Variants in NEURL1B observed in about 807,000 individuals in gnomAD.
The protein encoded by NEURL1B is neuralized E3 ubiquitin protein ligase 1B.
NEURL1B carries 13 observed loss-of-function variants against 37.4 expected under a neutral mutation model. The observed-to-expected ratio is 0.35, with a 90% CI of 0.23 to 0.55. The LOEUF (loss-of-function observed/expected upper bound fraction) is 0.55. NEURL1B is among the 20% of genes least tolerant of loss of function. The probability of loss-of-function intolerance (pLI) is 0.89; values close to 1 mark genes in which losing one functional copy is unlikely to be tolerated. For synonymous variants in NEURL1B, 432 were observed against 426.6 expected, an observed-to-expected ratio of 1.01 and a Z score of -0.16; for missense variants, 790 against 879.2, an observed-to-expected ratio of 0.90 and a Z score of 1.28.
intron 1 of NEURL1B, among the ~76,000 whole-genome samples, chr5:172,646,337 G>T (rs538873346): frequency 6.6e-6 from 1 of 152,334 alleles, no homozygotes; most frequent in East Asian, 1.9e-4. Context: ...TTCAACAAAT[G>T]CCCAGGATGG....
At chr5:172,651,813 A>G (rs1330715453) in intron 1 of NEURL1B, among the ~76,000 whole-genome samples, 1 of 152,236 alleles carries the variant, frequency 6.6e-6, no homozygotes, top group South Asian at 2.1e-4. Flanking sequence ...TTGATCTGGT[A>G]TTCCCCATGG....
chr5:172,651,051 C>T (rs1024654089), intron 1 of NEURL1B, among the ~76,000 whole-genome samples: 14 of 151,960 alleles, frequency 9.2e-5, no homozygotes, highest in African/African-American at 2.9e-4. Context: ...AGTAGATAAT[C>T]GAAAAAGGTT....
chr5:172,670,949 T>G (rs1019822911), intron 2 of NEURL1B, among the ~76,000 whole-genome samples: 2 of 152,190 alleles, frequency 1.3e-5, no homozygotes, highest in Non-Finnish European at 2.9e-5. Flanking sequence ...TGAGCCCGAT[T>G]CTCACGGAGG....
Position 172,670,338 on chromosome 5 carries a change from G to A in NEURL1B, c.577+8G>A. On this transcript the variant is annotated splice_region_variant and intron_variant, in intron 2 of 4. Transcript: ENST00000369800. Reference sequence around the variant, plus strand: ...ACGAGGTGCAGCTTCTGGGTAGGTCGCGGGCGCGGCGCCCCCTGGGGACCT... The same window carrying A: ...ACGAGGTGCAGCTTCTGGGTAGGTCACGGGCGCGGCGCCCCCTGGGGACCT... 1 of 1,348,388 alleles carries A rather than the reference G, an allele frequency of 7.4e-7. No homozygotes were observed. The highest frequency in any genetic ancestry group is 9.5e-7 in the Non-Finnish European group (1 of 1,053,606). The allele number at this position is 1,348,388 out of a possible 1,614,324, so 83.5% of individuals were successfully genotyped here.
At position 172,689,188 on chromosome 5, in the gene NEURL1B, G is replaced by A. The variant is rs1396966108; in HGVS notation, c.*2263G>A. Reference sequence around the variant, plus strand: ...TGTTTCCAAGAGGAGGTAAGGAAGTGTTTATCTTCTAAAAACCAGACGTTT... The same window carrying A: ...TGTTTCCAAGAGGAGGTAAGGAAGTATTTATCTTCTAAAAACCAGACGTTT... On this transcript the variant is annotated 3_prime_UTR_variant, in exon 5 of 5. Coordinates refer to ENST00000369800, the MANE Select transcript of NEURL1B (RefSeq NM_001142651.3). 1.3e-5 allele frequency: 2 copies of A among 152,212 alleles called. No homozygotes were observed. The highest frequency in any genetic ancestry group is 4.8e-5 in the African/African-American group (2 of 41,452). 9.4% of individuals were successfully genotyped at this position (152,212 alleles called of 1,614,324 possible). A position where few individuals can be genotyped will look rare whatever the true frequency, so the allele number is the denominator to read the frequency against.
intron 3 of NEURL1B, 112 bp downstream of exon 3, chr5:172,684,250 C>A: frequency 2.1e-6 from 2 of 958,966 alleles, no homozygotes; most frequent in Non-Finnish European, 2.7e-6. Context: ...CTGCACCGCC[C>A]GAGGCCAGCC....
At position 172,665,295 on chromosome 5, in the gene NEURL1B, G is replaced by A. The variant is rs1374878072; in HGVS notation, c.32-4490G>A. ...TGAGTGTCGTGCACAAGGCCACCGT[G>A]AGCGTGGACAGCACAGGCTTCTGCT... is the stretch of plus-strand genomic sequence containing the variant. On this transcript the variant is annotated intron_variant, in intron 1 of 4. Transcript: ENST00000369800. This position sits in a 1 kb window ranked among gnomAD's most constrained non-coding sequence, Gnocchi z 4.1. 6.6e-6 allele frequency among the ~76,000 whole-genome samples: 1 copy of A among 152,230 alleles called. No individual in the cohort carries two copies. Among genetic ancestry groups the A allele is most frequent in the African/African-American group, 2.4e-5 (1 of 41,454 alleles).
At chr5:172,652,061 T>C (rs1334138702) in intron 1 of NEURL1B, among the ~76,000 whole-genome samples, 1 of 152,208 alleles carries the variant, frequency 6.6e-6, no homozygotes, top group Non-Finnish European at 1.5e-5. Flanking sequence ...ATTGGTAAGC[T>C]CTTGAAAGTT....
At chr5:172,658,773 C>T (rs1054434644) in intron 1 of NEURL1B, among the ~76,000 whole-genome samples, 4 of 152,092 alleles carry the variant, frequency 2.6e-5, no homozygotes, top group African/African-American at 4.8e-5. Flanking sequence ...CCTCCATCAC[C>T]GTCAGGAGGT....
chr5:172,658,240 C>T (rs867204646), intron 1 of NEURL1B, among the ~76,000 whole-genome samples: 6 of 152,152 alleles, frequency 3.9e-5, no homozygotes, highest in Admixed American at 2.0e-4. Context: ...CTCTCGTCTC[C>T]GCACACAGGG....
chr5:172,686,851 A>AAGCGACAGGCCCGGGCCTGCTGCCCC lies in NEURL1B; in HGVS notation c.1596_1621dup (p.Ile541SerfsTer40). The AAGCGACAGGCCCGGGCCTGCTGCCCC allele has an allele frequency of 6.4e-7, 1 of 1,550,960 alleles. No homozygotes were observed. Among genetic ancestry groups the AAGCGACAGGCCCGGGCCTGCTGCCCC allele is most frequent in the Non-Finnish European group, 8.7e-7 (1 of 1,146,932 alleles). On this transcript the variant is annotated frameshift_variant, in exon 5 of 5. Coordinates refer to ENST00000369800, the MANE Select transcript of NEURL1B (RefSeq NM_001142651.3). LOFTEE classifies it high-confidence loss of function. The surrounding 1 kb of genome is among the most constrained non-coding windows in gnomAD (Gnocchi z 7.9). The stretch of plus-strand genomic sequence containing the variant: ...GTGCCACAGCTGCGGCCTGCGGCTC[A>AAGCGACAGGCCCGGGCCTGCTGCCCC]AGCGACAGGCCCGGGCCTGCTGCCC...
Position 172,641,494 on chromosome 5 carries a change from C to T in NEURL1B, c.31+57C>T. 1 of 1,242,232 alleles carries T rather than the reference C, an allele frequency of 8.1e-7. No homozygotes were observed. Among genetic ancestry groups the T allele is most frequent in the Non-Finnish European group, 1.0e-6 (1 of 989,434 alleles). The allele number at this position is 1,242,232 out of a possible 1,614,324, so 77.0% of individuals were successfully genotyped here. ...CGCCGGGCTTCTCTCCTCCGGGGGA[C>T]CCGCTGGGTGACTCTGGAGAGCTAC... is the stretch of plus-strand genomic sequence containing the variant. On this transcript the variant is annotated intron_variant, in intron 1 of 4. Transcript: ENST00000369800. This position sits in a 1 kb window ranked among gnomAD's most constrained non-coding sequence, Gnocchi z 6.4.
chr5:172,663,835 A>ATTATTATTATTATTATTATT (rs1757954572), intron 1 of NEURL1B, among the ~76,000 whole-genome samples: 1 of 91,010 alleles, frequency 1.1e-5, no homozygotes, highest in Non-Finnish European at 2.8e-5. Context: ...TTTGTTTATT[A>ATTATTATTATTATTATTATT]TTATTATTAT....
chr5:172,660,701 T>G (rs551113228), intron 1 of NEURL1B, among the ~76,000 whole-genome samples: 3 of 152,136 alleles, frequency 2.0e-5, no homozygotes, highest in African/African-American at 7.2e-5. Context: ...AGTGCAGTGG[T>G]GCGATCTCAG....
At chr5:172,653,920 TCTTTA>T (rs1757715728) in intron 1 of NEURL1B, among the ~76,000 whole-genome samples, 1 of 152,224 alleles carries the variant, frequency 6.6e-6, no homozygotes, top group Non-Finnish European at 1.5e-5. Flanking sequence ...AACATCTCTT[TCTTTA>T]AACAACCAGT....
intron 2 of NEURL1B, among the ~76,000 whole-genome samples, chr5:172,677,456 C>T (rs372069319): frequency 6.6e-6 from 1 of 152,170 alleles, no homozygotes; most frequent in Non-Finnish European, 1.5e-5. Flanking sequence ...CCCCACTTTG[C>T]AAGTGGGGAA....
intron 1 of NEURL1B, among the ~76,000 whole-genome samples, chr5:172,664,146 T>C (rs1029640128): frequency 1.3e-5 from 2 of 152,148 alleles, no homozygotes; most frequent in Non-Finnish European, 2.9e-5. Flanking sequence ...AAACTACTTA[T>C]ATTACTGAGT....
chr5:172,677,148 G>T (rs1261122794), intron 2 of NEURL1B, among the ~76,000 whole-genome samples: 1 of 152,090 alleles, frequency 6.6e-6, no homozygotes, highest in African/African-American at 2.4e-5. Context: ...CTGGCTTCAG[G>T]CAGAGCCCCA....
At chr5:172,677,613 GT>G (rs1758255572) in intron 2 of NEURL1B, among the ~76,000 whole-genome samples, 1 of 152,150 alleles carries the variant, frequency 6.6e-6, no homozygotes, top group Non-Finnish European at 1.5e-5. Flanking sequence ...CAAGGCCAGT[GT>G]TTGCCATCTT....
Sources: gnomAD v4.1 joint callset for allele counts (sites outside exome capture counted in the v4.1 genomes callset) on GRCh38, gnomAD v4.1.1 for gene constraint, Gnocchi (gnomAD v3.1) non-coding constraint, MANE v1.5 for transcripts, NCBI Gene and HGNC (gene_info 2026-07-23, HGNC 2026-07-21) for gene names.